Variants in ABR observed in about 807,000 individuals in gnomAD.
ABR encodes the protein active breakpoint cluster region-related protein.
In ABR, 35 loss-of-function variants were observed where a neutral mutation model predicts 107.2. The observed-to-expected ratio is 0.33, with a 90% CI of 0.25 to 0.43. The LOEUF is 0.43. ABR is among the 20% of genes least tolerant of loss of function. ABR has a pLI of 1.00. For missense variants in ABR, 815 were observed against 1,115.2 expected, an observed-to-expected ratio of 0.73 and a Z score of 3.83; for synonymous variants, 498 against 462.0, an observed-to-expected ratio of 1.08 and a Z score of -1.00.
chr17:1,087,290 A>G (rs922996788), intron 4 of ABR, among the ~76,000 whole-genome samples: 1 of 152,138 alleles, frequency 6.6e-6, no homozygotes, highest in Non-Finnish European at 1.5e-5. Context: ...ATGCTCCCCA[A>G]GGACCCAGAG....
intron 2 of ABR, among the ~76,000 whole-genome samples, chr17:1,111,375 A>G (rs1330643941): frequency 1.3e-5 from 2 of 152,058 alleles, no homozygotes; most frequent in Admixed American, 1.3e-4. Context: ...CCTCCATCAG[A>G]CACAGACTCC....
chr17:1,057,350 GTGTGTGTGT>G (rs2033427690), intron 12 of ABR, among the ~76,000 whole-genome samples: 2 of 71,812 alleles, frequency 2.8e-5, no homozygotes, highest in African/African-American at 5.0e-5. Flanking sequence ...GTGTGTGTGT[GTGTGTGTGT>G]GTGTGTGGTG....
Position 1,013,121 on chromosome 17 carries a change from A to G in ABR, c.1835T>C (p.Val612Ala). ...TVETKNWHTD[V>A]IEMNGIKVEF... is the part of the protein sequence containing the mutation. ...CCGGCTCACCCCGTTCATCTCAATC[A>G]CGTCCGTGTGCCAGTTCTTGGTCTC... The change falls in exon 17 of 23, where the codon GTG becomes GCG. Residue 612 changes from valine to alanine, a missense_variant. Val to Ala is a moderately conservative substitution (Grantham distance 64). Transcript: ENST00000302538. 2.5e-6 allele frequency: 4 copies of G among 1,614,042 alleles called. No homozygotes were observed. Among genetic ancestry groups the G allele is most frequent in the Non-Finnish European group, 3.4e-6 (4 of 1,179,986 alleles).
intron 18 of ABR, chr17:1,012,224 G>T (rs1380514951): frequency 4.3e-6 from 3 of 698,468 alleles, no homozygotes. Context: ...ACTTGGGAAG[G>T]TAAGGCCGAG....
chr17:1,012,188 G>T lies in ABR; in HGVS notation c.1962-203C>A, dbSNP rs779497064. ...CGAGGCCTGCCGAAGGGGCATCGAC[G>T]GACGTGGGCAGGAGAAGCCTTGGGA... On this transcript the variant is annotated intron_variant, in intron 18 of 22. Coordinates refer to ENST00000302538, the MANE Select transcript of ABR (RefSeq NM_021962.5). 1.5e-4 allele frequency: 123 copies of T among 800,374 alleles called. 1 individual carries two copies. The highest frequency in any genetic ancestry group is 2.2e-4 in the Middle Eastern group (1 of 4,576). 49.6% of individuals were successfully genotyped at this position (800,374 alleles called of 1,614,324 possible).
intron 1 of ABR, among the ~76,000 whole-genome samples, chr17:1,151,914 A>G (rs2589485): frequency 0.63 from 95,358 of 151,218 alleles, 30,627 homozygotes; most frequent in African/African-American, 0.76. Flanking sequence ...CAGCACTTTG[A>G]GAGGCCGAAG....
intron 1 of ABR, among the ~76,000 whole-genome samples, chr17:1,176,991 AG>A (rs1378280227): frequency 6.6e-6 from 1 of 152,072 alleles, no homozygotes; most frequent in Non-Finnish European, 1.5e-5. Flanking sequence ...AGAGGAAGGC[AG>A]GGAACCTCTA....
intron 2 of ABR, among the ~76,000 whole-genome samples, chr17:1,111,527 T>G (rs2038675849): frequency 6.6e-6 from 1 of 151,472 alleles, no homozygotes; most frequent in South Asian, 2.1e-4. Context: ...CTCCTAATGT[T>G]CTCCATAGAA....
At chr17:1,171,844 T>G (rs1000706598) in intron 1 of ABR, among the ~76,000 whole-genome samples, 1 of 152,044 alleles carries the variant, frequency 6.6e-6, no homozygotes, top group African/African-American at 2.4e-5. Context: ...GCAGGAGAAC[T>G]GCTTGAACCC....
chr17:1,117,001 G>A (rs573402726), intron 2 of ABR, among the ~76,000 whole-genome samples: 24 of 152,152 alleles, frequency 1.6e-4, no homozygotes, highest in Non-Finnish European at 2.9e-4. Context: ...CTGCCATGCC[G>A]CCTCTTCACG....
chr17:1,117,575 C>G (rs1406795388), intron 2 of ABR, among the ~76,000 whole-genome samples: 1 of 8,862 alleles, frequency 1.1e-4, no homozygotes, highest in Admixed American at 1.1e-3. Flanking sequence ...TCCCTGAGCC[C>G]GAGTTCCTCC....
chr17:1,140,762 T>C (rs1000572023), intron 1 of ABR, among the ~76,000 whole-genome samples: 1 of 152,042 alleles, frequency 6.6e-6, no homozygotes, highest in Admixed American at 6.6e-5. Context: ...TTTGTATTTT[T>C]AGTAGAGATG....
In ABR at chr17:1,159,396, G is replaced by A. The variant is rs80219329; in HGVS notation, c.61+20271C>T. Among the ~76,000 whole-genome samples, 18 of 52,738 alleles carry A rather than the reference G, an allele frequency of 3.4e-4. 1 individual carries two copies. The highest frequency in any genetic ancestry group is 1.5e-3 in the South Asian group (2 of 1,310). The allele number at this position is 52,738 out of a possible 152,430, so 34.6% of individuals were successfully genotyped here. A position where few individuals can be genotyped will look rare whatever the true frequency, so the allele number is the denominator to read the frequency against. On this transcript the variant is annotated intron_variant, in intron 1 of 22. Transcript: ENST00000302538. Reference sequence around the variant, plus strand: ...AAGTAAGAATGCGGTACTCACACACGGGAGAAGTAGGAATGCGGTACTCAC... The same window carrying A: ...AAGTAAGAATGCGGTACTCACACACAGGAGAAGTAGGAATGCGGTACTCAC...
At chr17:1,181,185 G>A (rs557734839), upstream of ABR, among the ~76,000 whole-genome samples, 4 of 152,284 alleles carry the variant, frequency 2.6e-5, no homozygotes, top group South Asian at 8.3e-4. Context: ...TGTGGGGGTC[G>A]GTCCTCATCA....
At chr17:1,041,903 G>C (rs1310284585) in intron 16 of ABR, among the ~76,000 whole-genome samples, 2 of 152,100 alleles carry the variant, frequency 1.3e-5, no homozygotes, top group Non-Finnish European at 2.9e-5. Flanking sequence ...AGGGGTCAAG[G>C]GGCAGGGACA....
chr17:1,220,009 T>A (rs1211642420), intron 1 of ABR, among the ~76,000 whole-genome samples: 1 of 151,854 alleles, frequency 6.6e-6, no homozygotes, highest in Non-Finnish European at 1.5e-5. Flanking sequence ...AATTTTAAAG[T>A]GGCCGGGCGC....
At chr17:1,131,055 A>T (rs888923784) in intron 1 of ABR, among the ~76,000 whole-genome samples, 36 of 148,378 alleles carry the variant, frequency 2.4e-4, no homozygotes, top group Non-Finnish European at 4.4e-5. Flanking sequence ...CCCTTTGCAC[A>T]CCAAATGCAG....
At chr17:1,102,234 G>A (rs773617094) in intron 2 of ABR, among the ~76,000 whole-genome samples, 1 of 152,098 alleles carries the variant, frequency 6.6e-6, no homozygotes, top group Non-Finnish European at 1.5e-5. Context: ...CTTTCGGTTC[G>A]TTCTTTACCT....
At chr17:1,030,643 G>A (rs1237962197) in intron 16 of ABR, among the ~76,000 whole-genome samples, 1 of 152,250 alleles carries the variant, frequency 6.6e-6, no homozygotes, top group Non-Finnish European at 1.5e-5. Flanking sequence ...CGAGGGGCCA[G>A]TGAGCCCAAG....
Sources: allele counts gnomAD v4.1 joint callset (sites outside exome capture counted in the v4.1 genomes callset), GRCh38; gene constraint gnomAD v4.1.1; transcripts MANE v1.5; gene names NCBI Gene and HGNC (gene_info 2026-07-23, HGNC 2026-07-21).